Variants in UNC5B observed in about 807,000 individuals in gnomAD.
The protein encoded by UNC5B is unc-5 netrin receptor B.
A neutral mutation model predicts 103.7 loss-of-function variants in UNC5B; 56 were observed. The observed-to-expected ratio is 0.54, with a 90% CI of 0.44 to 0.67. The LOEUF (loss-of-function observed/expected upper bound fraction) is 0.67. Among genes scored for constraint, UNC5B ranks in the 30% least tolerant of loss-of-function variants. The probability of loss-of-function intolerance (pLI) is 0.00; values close to 1 mark genes in which losing one functional copy is unlikely to be tolerated. For missense variants in UNC5B, 1,194 were observed against 1,284.5 expected, an observed-to-expected ratio of 0.93 and a Z score of 1.08; for synonymous variants, 577 against 542.0, an observed-to-expected ratio of 1.06 and a Z score of -0.90.
At position 71,286,758 on chromosome 10, in the gene UNC5B, C is replaced by T; in HGVS notation, c.622C>T (p.His208Tyr). 1 of 1,614,208 alleles carries T rather than the reference C, an allele frequency of 6.2e-7. No homozygotes were observed. The highest frequency in any genetic ancestry group is 8.5e-7 in the Non-Finnish European group (1 of 1,180,040). Residue 208 changes from histidine (H) to tyrosine (Y), a missense_variant, in exon 5 of 17, where the codon CAC becomes TAC. Physicochemically the swap from His to Tyr is moderately conservative, Grantham distance 83. Coordinates refer to ENST00000335350, the MANE Select transcript of UNC5B (RefSeq NM_170744.5). ...CACCAACTTCCTGCTCACCATCGAC[C>T]ACAACCTCATCATCCGCCAGGCCCG... ...QDTNFLLTID[H>Y]NLIIRQARLS...
intron 1 of UNC5B, among the ~76,000 whole-genome samples, chr10:71,278,697 C>T (rs369544295): frequency 7.9e-5 from 12 of 152,254 alleles, no homozygotes; most frequent in African/African-American, 1.2e-4. Flanking sequence ...AGTGGCCACA[C>T]AGGCCTCCCG....
chr10:71,283,339 G>A (rs551200346), intron 2 of UNC5B, among the ~76,000 whole-genome samples: 1 of 152,316 alleles, frequency 6.6e-6, no homozygotes, highest in Admixed American at 6.5e-5. Flanking sequence ...TGGGCGCTGT[G>A]GCGGAGTAGT....
At chr10:71,217,564 C>T (rs1029325342) in intron 1 of UNC5B, 1 of 152,212 alleles carries the variant, frequency 6.6e-6, no homozygotes, top group South Asian at 2.1e-4. Flanking sequence ...TGCGCCCCCG[C>T]GGGCAGACAA....
intron 1 of UNC5B, among the ~76,000 whole-genome samples, chr10:71,257,439 G>A (rs573064400): frequency 2.0e-5 from 3 of 152,174 alleles, no homozygotes; most frequent in Admixed American, 1.3e-4. Context: ...CCCCCTCCAG[G>A]CCCACCCAGG....
At chr10:71,237,605 G>T (rs1019900352) in intron 1 of UNC5B, among the ~76,000 whole-genome samples, 1 of 152,180 alleles carries the variant, frequency 6.6e-6, no homozygotes, top group African/African-American at 2.4e-5. Flanking sequence ...GCAATCCTGA[G>T]TGCATTAACT....
At position 71,292,458 on chromosome 10, in the gene UNC5B, T is replaced by TC; in HGVS notation, c.1685-4dup. 6.3e-7 allele frequency: 1 copy of TC among 1,583,810 alleles called. No individual in the cohort carries two copies. ...CCTGGACTCCCTGCTGACTTCCCTCTCCCCCTAGGGGTCAGCTTGCTGGTG... is the reference window on the plus strand; with the variant it reads ...CCTGGACTCCCTGCTGACTTCCCTCTCCCCCCTAGGGGTCAGCTTGCTGGTG... On this transcript the variant is annotated splice_polypyrimidine_tract_variant and intron_variant, in intron 10 of 16. Coordinates refer to ENST00000335350, the MANE Select transcript of UNC5B (RefSeq NM_170744.5).
intron 16 of UNC5B, among the ~76,000 whole-genome samples, chr10:71,298,801 A>G (rs10823721): frequency 0.2 from 30,451 of 151,924 alleles, 3,384 homozygotes; most frequent in East Asian, 0.42. Flanking sequence ...CAATGATAAT[A>G]ATGATGATGA....
intron 1 of UNC5B, among the ~76,000 whole-genome samples, chr10:71,261,373 GC>G (rs1339512612): frequency 1.3e-5 from 2 of 152,142 alleles, no homozygotes. Flanking sequence ...TGGCCAGGTG[GC>G]CGTGCATTTG....
intron 1 of UNC5B, among the ~76,000 whole-genome samples, chr10:71,216,302 G>T (rs373148890): frequency 6.6e-6 from 1 of 152,218 alleles, no homozygotes; most frequent in Non-Finnish European, 1.5e-5. Context: ...CTAAAGATAA[G>T]ATCGCTTTGA....
chr10:71,293,287 G>A, intron 11 of UNC5B, 118 bp from the exon 12 acceptor site: 3 of 1,177,056 alleles, frequency 2.5e-6, no homozygotes, highest in South Asian at 1.6e-5. Flanking sequence ...GCAGAGCCCT[G>A]AGTGGCAAAG....
chr10:71,215,502 C>T (rs1207361150), intron 1 of UNC5B, among the ~76,000 whole-genome samples: 1 of 152,114 alleles, frequency 6.6e-6, no homozygotes, highest in Non-Finnish European at 1.5e-5. Context: ...GAATGAGCTC[C>T]CTTTACAGCA....
chr10:71,284,901 C>A (rs750871979), intron 3 of UNC5B, 38 bp downstream of exon 3: 11 of 1,550,860 alleles, frequency 7.1e-6, no homozygotes, highest in South Asian at 1.2e-5. Context: ...CCTGCAGGAA[C>A]CTTCCCCATC....
intron 8 of UNC5B, among the ~76,000 whole-genome samples, chr10:71,289,552 G>C (rs1002439739): frequency 1.3e-5 from 2 of 152,228 alleles, no homozygotes; most frequent in African/African-American, 2.4e-5. Context: ...GAGCAGCAAA[G>C]CCACTTGAGC....
intron 1 of UNC5B, among the ~76,000 whole-genome samples, chr10:71,257,875 C>T (rs1370492403): frequency 6.6e-6 from 1 of 152,230 alleles, no homozygotes. Flanking sequence ...ACCTAGAATC[C>T]GTGCTGTGCA....
At chr10:71,270,280 G>T (rs1564724839) in intron 1 of UNC5B, among the ~76,000 whole-genome samples, 1 of 150,822 alleles carries the variant, frequency 6.6e-6, no homozygotes, top group Non-Finnish European at 1.5e-5. Flanking sequence ...GGCGGAGGTT[G>T]CAGTGAGCTG....
intron 1 of UNC5B, among the ~76,000 whole-genome samples, chr10:71,266,366 C>T (rs1844523532): frequency 6.6e-6 from 1 of 152,086 alleles, no homozygotes; most frequent in Non-Finnish European, 1.5e-5. Flanking sequence ...CTGGAGGAGC[C>T]CTCTCACGGT....
chr10:71,243,433 G>A (rs542133042), intron 1 of UNC5B, among the ~76,000 whole-genome samples: 43 of 152,262 alleles, frequency 2.8e-4, no homozygotes, highest in African/African-American at 1.0e-3. Flanking sequence ...CTAGCCACAC[G>A]TGGCTATTGA....
intron 15 of UNC5B, among the ~76,000 whole-genome samples, chr10:71,297,704 C>T (rs537021115): frequency 6.6e-6 from 1 of 152,246 alleles, no homozygotes; most frequent in Admixed American, 6.5e-5. Context: ...ATGGTGCACC[C>T]CCTGAGGCCT....
rs917980571 is a variant in UNC5B at position 71,296,047 on chromosome 10, T to C, written c.2325+87T>C. ...TCCCTCCCGGGCCCTGCCTCCTAGC[T>C]CTGTCCTGTGGCCTTACCCCTCCCT... On this transcript the variant is annotated intron_variant, in intron 14 of 16. Coordinates refer to ENST00000335350, the MANE Select transcript of UNC5B (RefSeq NM_170744.5). The C allele has an allele frequency of 1.9e-6, 3 of 1,572,716 alleles. No homozygotes were observed. In the African/African-American group the frequency reaches 4.1e-5, roughly 21 times the overall value.
Sources: allele counts gnomAD v4.1 joint callset (sites outside exome capture counted in the v4.1 genomes callset), GRCh38; gene constraint gnomAD v4.1.1; transcripts MANE v1.5; gene names NCBI Gene and HGNC (gene_info 2026-07-23, HGNC 2026-07-21).